CALN1: variants seen among roughly 807,000 people sequenced by gnomAD.
The protein encoded by CALN1 is calneuron 1, also known as calcium-binding protein 8.
In CALN1, 17 loss-of-function variants were observed where a neutral mutation model predicts 30.6. That is an observed-to-expected ratio of 0.56 (90% CI 0.38 to 0.83). The LOEUF (loss-of-function observed/expected upper bound fraction) is 0.83. Ranked by LOEUF, CALN1 falls within the 40% of genes least tolerant of loss-of-function variation. The pLI is 0.00. For missense variants in CALN1, 291 were observed against 354.9 expected (o/e 0.82, Z 1.45); for synonymous variants, 156 against 131.4 (o/e 1.19, Z -1.28).
rs765718975 is a variant in CALN1, at chr7:71,842,799, G to A, written c.502-32307C>T. ...ATTATTCCCAAAAGCTTACAGGTCC[G>A]TTCCTGTACCCTCAGCACTGCCTAT... On this transcript the variant is annotated intron_variant, in intron 5 of 6. Coordinates refer to ENST00000395275, the MANE Select transcript of CALN1 (RefSeq NM_031468.4). 1.8e-4 allele frequency among the ~76,000 whole-genome samples: 27 copies of A among 152,244 alleles called. 1 individual carries two copies. Among genetic ancestry groups the A allele is most frequent in the African/African-American group, 4.1e-4 (17 of 41,540 alleles).
chr7:72,221,870 C>G (rs1166506814), intron 3 of CALN1, among the ~76,000 whole-genome samples: 3 of 147,792 alleles, frequency 2.0e-5, no homozygotes, highest in Middle Eastern at 3.5e-3. Flanking sequence ...GCCTGGGTGA[C>G]AGAGAGAGAC....
At chr7:72,467,877 G>T in the CALN1 span, among the ~76,000 whole-genome samples, 1 of 152,058 alleles carries the variant, frequency 6.6e-6, no homozygotes, top group Non-Finnish European at 1.5e-5. Context: ...GTTACTTCCC[G>T]TTCCCCTCTA....
At chr7:72,219,653 G>A (rs535494565) in intron 3 of CALN1, among the ~76,000 whole-genome samples, 127 of 149,674 alleles carry the variant, frequency 8.5e-4, no homozygotes, top group Non-Finnish European at 1.7e-3. Flanking sequence ...ACACACACAC[G>A]CACACACACC....
intron 5 of CALN1, among the ~76,000 whole-genome samples, chr7:71,867,566 C>T (rs1262941423): frequency 6.6e-6 from 1 of 152,086 alleles, no homozygotes; most frequent in Non-Finnish European, 1.5e-5. Context: ...TCCCAAGTAG[C>T]TGGGATTACA....
chr7:72,202,360 G>A (rs917546771), intron 3 of CALN1, among the ~76,000 whole-genome samples: 1 of 151,922 alleles, frequency 6.6e-6, no homozygotes, highest in Non-Finnish European at 1.5e-5. Context: ...AAATTTTTCA[G>A]AATAGAGTAG....
chr7:72,185,249 A>AAGAGATTGG (rs1790103378), intron 3 of CALN1, among the ~76,000 whole-genome samples: 1 of 152,078 alleles, frequency 6.6e-6, no homozygotes, highest in Non-Finnish European at 1.5e-5. Flanking sequence ...AAAGAGATCC[A>AAGAGATTGG]ATCTCTTTCC....
intron 2 of CALN1, among the ~76,000 whole-genome samples, chr7:72,386,071 AG>A (rs1371153276): frequency 2.0e-5 from 3 of 152,308 alleles, no homozygotes; most frequent in Non-Finnish European, 4.4e-5. Flanking sequence ...ATTCTGGAAA[AG>A]GCAAAACTAT....
intron 3 of CALN1, among the ~76,000 whole-genome samples, chr7:72,192,105 T>C (rs988120576): frequency 6.6e-6 from 1 of 152,168 alleles, no homozygotes; most frequent in Admixed American, 6.5e-5. Flanking sequence ...TTCTCTTTCC[T>C]CTGACCTCTG....
At chr7:72,188,335 T>C (rs1171926580) in intron 3 of CALN1, among the ~76,000 whole-genome samples, 1 of 152,128 alleles carries the variant, frequency 6.6e-6, no homozygotes, top group Admixed American at 6.5e-5. Context: ...ATATTCTTTA[T>C]ATACACATAT....
chr7:72,337,464 C>T (rs993094611), intron 2 of CALN1: 3 of 185,188 alleles, frequency 1.6e-5, no homozygotes, highest in Non-Finnish European at 3.1e-5. Context: ...ACGGCACACA[C>T]AGGCAGACAC....
chr7:71,824,383 C>T, intron 5 of CALN1, among the ~76,000 whole-genome samples: 1 of 152,084 alleles, frequency 6.6e-6, no homozygotes, highest in East Asian at 1.9e-4. Context: ...TACCGTGTTG[C>T]ATGGAAAAAG....
intron 3 of CALN1, among the ~76,000 whole-genome samples, chr7:72,221,916 T>A (rs1793332682): frequency 6.7e-6 from 1 of 150,252 alleles, no homozygotes; most frequent in Admixed American, 6.6e-5. Context: ...TACCTGAGAC[T>A]GGGTAACCTA....
intron 2 of CALN1, among the ~76,000 whole-genome samples, chr7:72,366,477 AT>A (rs200224600): frequency 6.6e-6 from 1 of 151,830 alleles, no homozygotes; most frequent in African/African-American, 2.4e-5. Context: ...CGCCTGATGT[AT>A]TTTTTTTCTT....
At chr7:72,340,486 G>A (rs774143050) in intron 2 of CALN1, among the ~76,000 whole-genome samples, 1 of 152,124 alleles carries the variant, frequency 6.6e-6, no homozygotes, top group Non-Finnish European at 1.5e-5. Flanking sequence ...ATCCTTTCCT[G>A]TAAGCCAACT....
chr7:72,395,930 G>A (rs1273739158), intron 2 of CALN1, among the ~76,000 whole-genome samples: 2 of 151,994 alleles, frequency 1.3e-5, no homozygotes, highest in South Asian at 4.2e-4. Flanking sequence ...TTAGGAGGTA[G>A]GACCTCCAAA....
upstream of CALN1, among the ~76,000 whole-genome samples, chr7:72,448,388 C>G (rs1475192531): frequency 6.6e-6 from 1 of 152,152 alleles, no homozygotes; most frequent in Non-Finnish European, 1.5e-5. Flanking sequence ...GTGTCAAGGA[C>G]AGTTCCTGTG....
At position 72,418,055 on chromosome 7, in the gene CALN1, C is replaced by T. The variant is rs542142465; in HGVS notation, c.-225-5780G>A. ...TGCTGAGGTTTAGGGTAAAAACATT[C>T]CCATCATCCAGGTAGCAAGCATAGT... is the stretch of plus-strand genomic sequence containing the variant. On this transcript the variant is annotated intron_variant, in intron 1 of 6. Transcript: ENST00000395276. 5.3e-5 allele frequency among the ~76,000 whole-genome samples: 8 copies of T among 152,182 alleles called. No homozygotes were observed. The South Asian group carries it at 1.7e-3, about 32-fold the overall frequency.
chr7:72,380,001 G>A (rs1032611380), intron 2 of CALN1, among the ~76,000 whole-genome samples: 4 of 152,232 alleles, frequency 2.6e-5, no homozygotes, highest in Non-Finnish European at 4.4e-5. Flanking sequence ...ATGCCTGTCG[G>A]TCTATGTAAT....
Position 72,406,621 on chromosome 7 carries a change from T to TTTTTTC in CALN1, c.-73-3180_-73-3179insGAAAAA, listed in dbSNP as rs1554402608. On this transcript the variant is annotated intron_variant, in intron 1 of 6. Transcript: ENST00000395275. The stretch of plus-strand genomic sequence containing the variant: ...ACATGAGGGTCCTTGTCAGCTTTTT[T>TTTTTTC]TTTTTTCTTTTTTAAGACGGAGTCT... Among the ~76,000 whole-genome samples, 99 of 52,902 alleles carry TTTTTTC rather than the reference T, an allele frequency of 1.9e-3. 1 individual carries two copies. In the East Asian group the frequency reaches 0.042, roughly 23 times the overall value. 34.7% of individuals were successfully genotyped at this position (52,902 alleles called of 152,430 possible).
Sources: allele counts gnomAD v4.1 joint callset (sites outside exome capture counted in the v4.1 genomes callset), GRCh38; gene constraint gnomAD v4.1.1; transcripts MANE v1.5; gene names NCBI Gene and HGNC (gene_info 2026-07-23, HGNC 2026-07-21).